FHL2: variants seen among roughly 807,000 people sequenced by gnomAD.
FHL2 encodes four and a half LIM domains protein 2.
A neutral mutation model predicts 32.7 loss-of-function variants in FHL2; 20 were observed. That is an observed-to-expected ratio of 0.61 (90% CI 0.43 to 0.89). The LOEUF (loss-of-function observed/expected upper bound fraction) is 0.89. Ranked by LOEUF, FHL2 falls within the 40% of genes least tolerant of loss-of-function variation. FHL2 has a pLI of 0.00. For synonymous variants in FHL2, 123 were observed against 128.1 expected (o/e 0.96, Z 0.27); for missense variants, 311 against 358.6 (o/e 0.87, Z 1.07).
At chr2:105,358,380 A>G (rs1680095404), downstream of FHL2, 1 of 152,172 alleles carries the variant, frequency 6.6e-6, no homozygotes, top group Non-Finnish European at 1.5e-5. Flanking sequence ...GCCCCTCCCA[A>G]TGTGGAGCCT....
At chr2:105,432,070 C>T (rs970161728) in intron 1 of FHL2, among the ~76,000 whole-genome samples, 3 of 152,156 alleles carry the variant, frequency 2.0e-5, no homozygotes, top group African/African-American at 7.2e-5. Context: ...TGTGGAGAGC[C>T]CTGTCTTAAT....
At chr2:105,434,284 G>C (rs1200377597) in intron 1 of FHL2, among the ~76,000 whole-genome samples, 1 of 152,196 alleles carries the variant, frequency 6.6e-6, no homozygotes, top group African/African-American at 2.4e-5. Context: ...TGGAAAGAAA[G>C]ACATTGACCA....
chr2:105,390,661 C>G (rs940429451), intron 2 of FHL2, among the ~76,000 whole-genome samples: 2 of 152,202 alleles, frequency 1.3e-5, no homozygotes, highest in South Asian at 4.1e-4. Context: ...GAGTTCCACA[C>G]AGTTACATAC....
intron 4 of FHL2, among the ~76,000 whole-genome samples, chr2:105,369,691 C>G (rs1445399507): frequency 1.3e-5 from 2 of 152,226 alleles, no homozygotes; most frequent in Admixed American, 6.5e-5. Context: ...TCTTCAACCT[C>G]CATGCATACT....
intron 4 of FHL2, among the ~76,000 whole-genome samples, chr2:105,373,250 G>C (rs934991156): frequency 6.6e-6 from 1 of 152,198 alleles, no homozygotes; most frequent in African/African-American, 2.4e-5. Context: ...ACTATCTATG[G>C]TGGTGGGAGA....
At chr2:105,372,167 T>C (rs1407242227) in intron 4 of FHL2, among the ~76,000 whole-genome samples, 2 of 152,214 alleles carry the variant, frequency 1.3e-5, no homozygotes, top group African/African-American at 2.4e-5. Context: ...AGAAACCATC[T>C]TACCAAAGGT....
At position 105,431,411 on chromosome 2, in the gene FHL2, G is replaced by T. The variant is rs113052924; in HGVS notation, c.-25+6988C>A. 6.6e-3 allele frequency among the ~76,000 whole-genome samples: 1,012 copies of T among 152,374 alleles called. 4 individuals carry two copies. The highest frequency in any genetic ancestry group is 0.024 in the Middle Eastern group (7 of 294). On this transcript the variant is annotated intron_variant, in intron 1 of 5. Coordinates refer to the FHL2 transcript ENST00000393352. Reference sequence around the variant, plus strand: ...GAGATTGATAAGGAGTGTCATTTTAGATGAAGTGTTTAGGGGTAGCTCTCA... The same window carrying T: ...GAGATTGATAAGGAGTGTCATTTTATATGAAGTGTTTAGGGGTAGCTCTCA...
chr2:105,436,348 A>G (rs1193280134), intron 1 of FHL2, among the ~76,000 whole-genome samples: 3 of 152,158 alleles, frequency 2.0e-5, no homozygotes, highest in African/African-American at 2.4e-5. Context: ...TTATATTGCT[A>G]TATTCTAATA....
At position 105,382,063 on chromosome 2, in the gene FHL2, T is replaced by C. The variant is rs553079833; in HGVS notation, c.156+4298A>G. Among the ~76,000 whole-genome samples, 100 of 152,362 alleles carry C rather than the reference T, an allele frequency of 6.6e-4. 1 individual carries two copies. Among genetic ancestry groups the C allele is most frequent in the African/African-American group, 2.3e-3 (95 of 41,592 alleles). ...ACCTTCGTCTCCTATTTCAGAGCCCTGCCAGGTTGCTTTCTGCCAAAATAT... is the reference window on the plus strand; with the variant it reads ...ACCTTCGTCTCCTATTTCAGAGCCCCGCCAGGTTGCTTTCTGCCAAAATAT... On this transcript the variant is annotated intron_variant, in intron 3 of 6. Coordinates refer to ENST00000530340, the MANE Select transcript of FHL2 (RefSeq NM_001318895.3).
In FHL2 at chr2:105,399,015, G is replaced by T. The variant is rs757511491; in HGVS notation, c.-249C>A. 6 of 1,497,028 alleles carry T rather than the reference G, an allele frequency of 4.0e-6. No homozygotes were observed. Among genetic ancestry groups the T allele is most frequent in the East Asian group, 5.7e-5 (2 of 35,090 alleles). The allele number at this position is 1,497,028 out of a possible 1,614,324, so 92.7% of individuals were successfully genotyped here. ...ACTCCCGGACGGGGCTGGAGGGCGC[G>T]GGCGGCTGGTGGCTGCGGCTCCGCT... On this transcript the variant is annotated 5_prime_UTR_variant, in exon 1 of 7. Coordinates refer to ENST00000530340, the MANE Select transcript of FHL2 (RefSeq NM_001318895.3).
chr2:105,359,894 T>G (rs952299676), downstream of FHL2: 1 of 152,198 alleles, frequency 6.6e-6, no homozygotes, highest in Non-Finnish European at 1.5e-5. Flanking sequence ...TCCATAACAC[T>G]GGGACAGAGC....
At chr2:105,413,808 C>CA (rs1248388311) in intron 1 of FHL2, among the ~76,000 whole-genome samples, 1 of 152,190 alleles carries the variant, frequency 6.6e-6, no homozygotes, top group African/African-American at 2.4e-5. Context: ...ACTGGATGCT[C>CA]ACAATGCAGA....
At chr2:105,371,257 AAGTCAGCAAGCTTCG>A (rs1681040789) in intron 4 of FHL2, among the ~76,000 whole-genome samples, 1 of 152,146 alleles carries the variant, frequency 6.6e-6, no homozygotes, top group Non-Finnish European at 1.5e-5. Flanking sequence ...ACTAACATCT[AAGTCAGCAAGCTTCG>A]AGTGCAGCAC....
chr2:105,384,554 C>T (rs1408635267), intron 3 of FHL2, among the ~76,000 whole-genome samples: 1 of 152,150 alleles, frequency 6.6e-6, no homozygotes, highest in African/African-American at 2.4e-5. Context: ...GTGTCCCAGG[C>T]TGGAGTGCAG....
chr2:105,371,829 A>C (rs1303664686), intron 4 of FHL2, among the ~76,000 whole-genome samples: 1 of 152,072 alleles, frequency 6.6e-6, no homozygotes, highest in Non-Finnish European at 1.5e-5. Context: ...CGTGGTTCTT[A>C]TTGTTACTGA....
intron 4 of FHL2, among the ~76,000 whole-genome samples, chr2:105,369,097 A>T (rs1464520861): frequency 4.6e-5 from 7 of 152,178 alleles, no homozygotes. Context: ...AAAGCCCCAA[A>T]TATTTATCTG....
At chr2:105,410,764 A>G (rs887285905) in intron 1 of FHL2, among the ~76,000 whole-genome samples, 3 of 152,170 alleles carry the variant, frequency 2.0e-5, no homozygotes, top group African/African-American at 7.2e-5. Flanking sequence ...AGGTGTCCAC[A>G]CTGGTGGAAA....
In FHL2 at chr2:105,420,936, G is replaced by T. The variant is rs111473817; in HGVS notation, c.-25+17463C>A. Among the ~76,000 whole-genome samples the T allele has an allele frequency of 1.1e-3, 175 of 152,252 alleles. 1 individual carries two copies. Among genetic ancestry groups the T allele is most frequent in the African/African-American group, 3.9e-3 (160 of 41,544 alleles). ...CCTAACAGGCCATGAACCAAGTACC[G>T]GTCTATGGCCTGGGGACTGGGGACC... is the stretch of plus-strand genomic sequence containing the variant. On this transcript the variant is annotated intron_variant, in intron 1 of 5. Coordinates refer to the FHL2 transcript ENST00000393352.
intron 1 of FHL2, among the ~76,000 whole-genome samples, chr2:105,419,779 T>G (rs537429645): frequency 6.6e-6 from 1 of 152,208 alleles, no homozygotes; most frequent in South Asian, 2.1e-4. Context: ...ACATAAAAAT[T>G]AAAATAATAA....
Sources: allele counts gnomAD v4.1 joint callset (sites outside exome capture counted in the v4.1 genomes callset), GRCh38; gene constraint gnomAD v4.1.1; transcripts MANE v1.5; gene names NCBI Gene and HGNC (gene_info 2026-07-23, HGNC 2026-07-21).